Variants in HS6ST3 observed in about 807,000 individuals in gnomAD.
The protein encoded by HS6ST3 is heparan-sulfate 6-O-sulfotransferase 3.
Under a neutral mutation model 36.7 loss-of-function variants are expected in HS6ST3, and 12 were observed. The ratio of observed to expected loss-of-function variants is 0.33; its 90% CI spans 0.21 to 0.53. The LOEUF (loss-of-function observed/expected upper bound fraction) is 0.53. HS6ST3 is among the 20% of genes least tolerant of loss of function. HS6ST3 has a pLI of 0.95. For synonymous variants in HS6ST3, 240 were observed against 257.5 expected, an observed-to-expected ratio of 0.93 and a Z score of 0.65; for missense variants, 584 against 640.9, an observed-to-expected ratio of 0.91 and a Z score of 0.96.
rs763499432 is a variant in HS6ST3 at position 96,832,708 on chromosome 13, G to A, written c.926G>A (p.Arg309His). ...TGCACCTACAACCTGGCTAACAATC[G>A]CCAGGTGCGCATGCTGGCTGACCTC... ...MDCTYNLANN[R>H]QVRMLADLSL... Residue 309 changes from arginine to histidine, a missense_variant, in exon 2 of 2, where the codon CGC becomes CAC. By Grantham distance (29) the Arg-to-His change is conservative. Around this residue, in one of 3 missense-constraint regions of HS6ST3, gnomAD observed 360 missense variants for 411.3 expected, o/e 0.88. Transcript: ENST00000376705. 9 of 1,613,832 alleles carry A rather than the reference G, an allele frequency of 5.6e-6. No individual in the cohort carries two copies. Among genetic ancestry groups the A allele is most frequent in the Admixed American group, 1.7e-5 (1 of 59,982 alleles).
intron 1 of HS6ST3, among the ~76,000 whole-genome samples, chr13:96,355,815 A>G (rs1384027405): frequency 6.6e-6 from 1 of 152,172 alleles, no homozygotes; most frequent in African/African-American, 2.4e-5. Flanking sequence ...GTAGCATGCA[A>G]TGCTGTTTGA....
chr13:96,319,298 A>G (rs1340513266), intron 1 of HS6ST3, among the ~76,000 whole-genome samples: 2 of 152,196 alleles, frequency 1.3e-5, no homozygotes, highest in Non-Finnish European at 2.9e-5. Flanking sequence ...AATGTTTTCA[A>G]GGTTCATCCA....
At chr13:96,264,686 G>A (rs1280254219) in intron 1 of HS6ST3, among the ~76,000 whole-genome samples, 1 of 152,142 alleles carries the variant, frequency 6.6e-6, no homozygotes, top group Non-Finnish European at 1.5e-5. Flanking sequence ...ATTTTACAGT[G>A]CAGGGAAGTG....
chr13:96,129,953 T>C (rs1416817571), intron 1 of HS6ST3, among the ~76,000 whole-genome samples: 3 of 152,186 alleles, frequency 2.0e-5, no homozygotes, highest in Non-Finnish European at 2.9e-5. Context: ...GAAGCCACCA[T>C]GATGATGGTA....
At chr13:96,788,673 A>G (rs1455970560) in intron 1 of HS6ST3, among the ~76,000 whole-genome samples, 2 of 151,812 alleles carry the variant, frequency 1.3e-5, no homozygotes, top group African/African-American at 4.8e-5. Flanking sequence ...TTTCAGTTAT[A>G]TCCATTTCTG....
intron 1 of HS6ST3, among the ~76,000 whole-genome samples, chr13:96,423,969 A>G (rs889135699): frequency 1.3e-5 from 2 of 152,212 alleles, no homozygotes; most frequent in Non-Finnish European, 2.9e-5. Flanking sequence ...CATGCATTAA[A>G]TATTCTAAGC....
chr13:96,714,963 T>C (rs1408766375), intron 1 of HS6ST3, among the ~76,000 whole-genome samples: 1 of 152,088 alleles, frequency 6.6e-6, no homozygotes, highest in Non-Finnish European at 1.5e-5. Context: ...CATTGTGGCC[T>C]CGTAACAGCA....
In HS6ST3 at chr13:96,370,682, C is replaced by A. The variant is rs1057410984; in HGVS notation, c.707+279113C>A. ...ATCCCAGCAATTTGGGAGGCTGAGG[C>A]AGGCAGATCACCTGAGATCAGGAGT... On this transcript the variant is annotated intron_variant, in intron 1 of 1. Coordinates refer to ENST00000376705, the MANE Select transcript of HS6ST3 (RefSeq NM_153456.4). Among the ~76,000 whole-genome samples the A allele has an allele frequency of 6.6e-5, 10 of 152,264 alleles. No homozygotes were observed. In the East Asian group the frequency reaches 1.9e-3, roughly 29 times the overall value.
At chr13:96,370,052 T>C (rs2055282028) in intron 1 of HS6ST3, among the ~76,000 whole-genome samples, 1 of 152,144 alleles carries the variant, frequency 6.6e-6, no homozygotes, top group Non-Finnish European at 1.5e-5. Context: ...TCTAGATCAA[T>C]GATTTGTAAC....
chr13:96,244,014 C>T (rs2054573451), intron 1 of HS6ST3, among the ~76,000 whole-genome samples: 1 of 151,656 alleles, frequency 6.6e-6, no homozygotes, highest in South Asian at 2.1e-4. Context: ...AAAAAGGCCC[C>T]CCCGAGAATC....
chr13:96,358,657 C>G (rs1342228065), intron 1 of HS6ST3, among the ~76,000 whole-genome samples: 1 of 152,070 alleles, frequency 6.6e-6, no homozygotes, highest in East Asian at 1.9e-4. Flanking sequence ...AGAGAGAAAA[C>G]TATAAATGAT....
At chr13:96,438,761 C>T (rs1594780505) in intron 1 of HS6ST3, among the ~76,000 whole-genome samples, 1 of 152,226 alleles carries the variant, frequency 6.6e-6, no homozygotes, top group South Asian at 2.1e-4. Context: ...GAGATCTTTT[C>T]TGATTTAAAA....
chr13:96,683,763 T>C (rs1025978099), intron 1 of HS6ST3, among the ~76,000 whole-genome samples: 15 of 152,078 alleles, frequency 9.9e-5, no homozygotes, highest in Non-Finnish European at 1.9e-4. Flanking sequence ...ACTAAACAAA[T>C]CCTTAGTCAC....
chr13:96,239,437 A>G (rs1445780943), intron 1 of HS6ST3, among the ~76,000 whole-genome samples: 1 of 152,224 alleles, frequency 6.6e-6, no homozygotes, highest in Non-Finnish European at 1.5e-5. Flanking sequence ...ACTACTTTAT[A>G]TGAAAGATGC....
intron 1 of HS6ST3, among the ~76,000 whole-genome samples, chr13:96,656,274 T>C (rs2056624382): frequency 6.6e-6 from 1 of 152,184 alleles, no homozygotes; most frequent in Admixed American, 6.5e-5. Context: ...AATTTAATAA[T>C]TTGCTCTCCA....
intron 1 of HS6ST3, among the ~76,000 whole-genome samples, chr13:96,693,218 CTCA>C (rs2138446625): frequency 6.6e-6 from 1 of 152,260 alleles, no homozygotes; most frequent in African/African-American, 2.4e-5. Flanking sequence ...AGATCCCAAG[CTCA>C]TCATTGAATA....
intron 1 of HS6ST3, among the ~76,000 whole-genome samples, chr13:96,633,149 C>T (rs116390594): frequency 0.013 from 2,054 of 152,252 alleles, 39 homozygotes; most frequent in African/African-American, 0.047. Flanking sequence ...TTCCGTAAAT[C>T]GGCCCGGGTG....
intron 1 of HS6ST3, among the ~76,000 whole-genome samples, chr13:96,831,402 C>T (rs1416346275): frequency 6.6e-6 from 1 of 152,074 alleles, no homozygotes; most frequent in African/African-American, 2.4e-5. Context: ...ATCAAATAGG[C>T]CTAACTTAGA....
Position 96,485,971 on chromosome 13 carries a change from G to A in HS6ST3, c.708-346519G>A, listed in dbSNP as rs146373180. Among the ~76,000 whole-genome samples, 430 of 151,546 alleles carry A rather than the reference G, an allele frequency of 2.8e-3. 2 individuals are homozygous for A. Among genetic ancestry groups the A allele is most frequent in the African/African-American group, 0.01 (419 of 41,298 alleles). ...GTTGGTGTGCTGCACCCGTTAACTC[G>A]TCATTTAACATTAGGTATATCTCCT... is the stretch of plus-strand genomic sequence containing the variant. On this transcript the variant is annotated intron_variant, in intron 1 of 1. Coordinates refer to ENST00000376705, the MANE Select transcript of HS6ST3 (RefSeq NM_153456.4).
Sources: gnomAD v4.1 joint callset for allele counts (sites outside exome capture counted in the v4.1 genomes callset) on GRCh38, gnomAD v4.1.1 for gene constraint, gnomAD v4.1.1 regional missense constraint, MANE v1.5 for transcripts, NCBI Gene and HGNC (gene_info 2026-07-23, HGNC 2026-07-21) for gene names.